VIT: variants seen among roughly 807,000 people sequenced by gnomAD.
VIT encodes the protein vitrin.
In VIT, 99 loss-of-function variants were observed where a neutral mutation model predicts 78.0. That is an observed-to-expected ratio of 1.27 (90% confidence interval 1.08 to 1.50). VIT has a LOEUF of 1.50. VIT is among the 40% of genes most tolerant of loss of function. VIT has a pLI of 0.00. For missense variants in VIT, 1,126 were observed against 875.3 expected (o/e 1.29, Z -3.61); for synonymous variants, 374 against 334.3 (o/e 1.12, Z -1.29).
At position 36,808,730 on chromosome 2, in the gene VIT, G is replaced by T. The variant is rs551438077; in HGVS notation, c.1648G>T (p.Gly550Trp). The change falls in exon 15 of 16, where the codon GGG becomes TGG. Residue 550 changes from glycine (G) to tryptophan (W), a missense_variant. Transcript: ENST00000379242. ...GATTTCCGACACGGACACGCGCATC[G>T]GGGCCGTGCAGTACACCTACGAACA... ...FEISDTDTRI[G>W]AVQYTYEQRL... 7 of 1,614,086 alleles carry T rather than the reference G, an allele frequency of 4.3e-6. No individual in the cohort carries two copies. Among genetic ancestry groups the T allele is most frequent in the East Asian group, 2.2e-5 (1 of 44,898 alleles).
intron 15 of VIT, among the ~76,000 whole-genome samples, chr2:36,810,736 C>A (rs921377184): frequency 6.6e-6 from 1 of 151,794 alleles, no homozygotes; most frequent in African/African-American, 2.4e-5. Context: ...CGGATTCAAG[C>A]GATTCTTCTG....
chr2:36,799,911 G>T (rs1270034068), intron 12 of VIT, among the ~76,000 whole-genome samples: 1 of 151,976 alleles, frequency 6.6e-6, no homozygotes, highest in East Asian at 1.9e-4. Flanking sequence ...AGCTGGGTGT[G>T]GTGACACGCA....
intron 3 of VIT, among the ~76,000 whole-genome samples, chr2:36,734,832 T>G (rs1558525519): frequency 6.6e-6 from 1 of 152,034 alleles, no homozygotes; most frequent in African/African-American, 2.4e-5. Flanking sequence ...GCACCACTGG[T>G]GGGGGGGCCC....
intron 1 of VIT, among the ~76,000 whole-genome samples, chr2:36,697,995 T>C (rs976218720): frequency 2.1e-4 from 32 of 152,192 alleles, no homozygotes; most frequent in Admixed American, 1.3e-3. Flanking sequence ...GATCAAACAC[T>C]GTTTGTTTGT....
intron 3 of VIT, among the ~76,000 whole-genome samples, chr2:36,736,193 T>G (rs1156825558): frequency 6.6e-6 from 1 of 152,196 alleles, no homozygotes; most frequent in Non-Finnish European, 1.5e-5. Context: ...ATTACCAAAG[T>G]GTGGCTGCAT....
At chr2:36,785,068 A>G (rs1048185015) in intron 11 of VIT, among the ~76,000 whole-genome samples, 1 of 152,262 alleles carries the variant, frequency 6.6e-6, no homozygotes, top group Non-Finnish European at 1.5e-5. Flanking sequence ...TGAGGAATCA[A>G]AATAGATGCT....
At chr2:36,792,713 C>G (rs756887346) in intron 12 of VIT, among the ~76,000 whole-genome samples, 2 of 152,056 alleles carry the variant, frequency 1.3e-5, no homozygotes, top group African/African-American at 4.8e-5. Context: ...GAGTGAAGAC[C>G]GGAATATTCT....
intron 14 of VIT, 149 bp from the exon 15 acceptor site, chr2:36,808,323 T>C: frequency 8.6e-7 from 1 of 1,165,664 alleles, no homozygotes; most frequent in Non-Finnish European, 1.2e-6. Flanking sequence ...GGCCGCTGGG[T>C]GAACCGAGAT....
At chr2:36,773,903 C>T (rs868366754) in intron 8 of VIT, 56 bp downstream of exon 8, 43 of 1,529,768 alleles carry the variant, frequency 2.8e-5, no homozygotes, top group South Asian at 1.1e-4. Context: ...TGTTTACATG[C>T]GGTTCCTCTC....
At chr2:36,795,720 T>G (rs1025508941) in intron 12 of VIT, among the ~76,000 whole-genome samples, 1 of 152,184 alleles carries the variant, frequency 6.6e-6, no homozygotes, top group African/African-American at 2.4e-5. Flanking sequence ...CCTTCTTGTT[T>G]CAACTCTCTT....
chr2:36,742,357 G>C (rs1667885174), intron 3 of VIT, among the ~76,000 whole-genome samples: 1 of 152,212 alleles, frequency 6.6e-6, no homozygotes, highest in Non-Finnish European at 1.5e-5. Context: ...AGGGAGGGAA[G>C]AATGAATGAG....
chr2:36,738,020 AC>A, intron 3 of VIT, among the ~76,000 whole-genome samples: 1 of 152,334 alleles, frequency 6.6e-6, no homozygotes, highest in Middle Eastern at 3.4e-3. Context: ...TAACGGGAAA[AC>A]AGTACAATGG....
intron 2 of VIT, among the ~76,000 whole-genome samples, chr2:36,718,015 C>T (rs1475404767): frequency 6.6e-6 from 1 of 152,164 alleles, no homozygotes; most frequent in Non-Finnish European, 1.5e-5. Flanking sequence ...CTGCCTTCAT[C>T]TTCACATGGT....
intron 3 of VIT, among the ~76,000 whole-genome samples, chr2:36,732,085 G>A (rs1180798329): frequency 6.6e-6 from 1 of 152,244 alleles, no homozygotes; most frequent in African/African-American, 2.4e-5. Context: ...TGGGGCAGAT[G>A]TGTGTTCAAA....
At chr2:36,791,362 A>G (rs1665490853) in intron 12 of VIT, among the ~76,000 whole-genome samples, 1 of 152,166 alleles carries the variant, frequency 6.6e-6, no homozygotes. Flanking sequence ...GTCAGAGTTG[A>G]GGGGAAGAAG....
chr2:36,801,916 G>A (rs1467128699), intron 13 of VIT, among the ~76,000 whole-genome samples: 1 of 152,190 alleles, frequency 6.6e-6, no homozygotes, highest in African/African-American at 2.4e-5. Flanking sequence ...AGAAGGGGTA[G>A]CATTCTTCAG....
intron 15 of VIT, among the ~76,000 whole-genome samples, chr2:36,810,886 A>G (rs957380644): frequency 6.6e-6 from 1 of 152,086 alleles, no homozygotes; most frequent in Non-Finnish European, 1.5e-5. Flanking sequence ...CACCTACCTC[A>G]GCTTCCCAAA....
intron 2 of VIT, among the ~76,000 whole-genome samples, chr2:36,720,985 G>A (rs1045788368): frequency 9.3e-5 from 14 of 151,346 alleles, no homozygotes; most frequent in Non-Finnish European, 1.3e-4. Context: ...ACTCCAGCCC[G>A]GGCAACAACA....
chr2:36,728,238 T>C (rs1282122402), intron 2 of VIT, among the ~76,000 whole-genome samples: 2 of 152,192 alleles, frequency 1.3e-5, no homozygotes, highest in African/African-American at 4.8e-5. Context: ...GCCTGTATTT[T>C]CTATCCTATA....
Sources: allele counts gnomAD v4.1 joint callset (sites outside exome capture counted in the v4.1 genomes callset), GRCh38; gene constraint gnomAD v4.1.1; transcripts MANE v1.5; gene names NCBI Gene and HGNC (gene_info 2026-07-23, HGNC 2026-07-21).